The following TENM4 variants were observed in gnomAD, a reference collection of about 807,000 sequenced individuals.
TENM4 encodes teneurin transmembrane protein 4, also known as teneurin-4.
Under a neutral mutation model 243.3 loss-of-function variants are expected in TENM4, and 82 were observed. That is an observed-to-expected ratio of 0.34 (90% CI 0.28 to 0.40). The LOEUF (loss-of-function observed/expected upper bound fraction) is 0.40, where lower values mean the gene tolerates loss of function less well. Among genes scored for constraint, TENM4 ranks in the 10% least tolerant of loss-of-function variants. TENM4 has a pLI of 1.00. For synonymous variants in TENM4, 1,412 were observed against 1,456.3 expected, an observed-to-expected ratio of 0.97 and a Z score of 0.69; for missense variants, 3,138 against 3,673.3, an observed-to-expected ratio of 0.85 and a Z score of 3.77.
chr11:78,986,713 A>G (rs1232008085), intron 6 of TENM4, among the ~76,000 whole-genome samples: 2 of 152,168 alleles, frequency 1.3e-5, no homozygotes, highest in African/African-American at 4.8e-5. Flanking sequence ...AGCTGGGAAT[A>G]CAGGCATCTG....
At chr11:78,951,250 G>T (rs1857103596) in intron 6 of TENM4, among the ~76,000 whole-genome samples, 1 of 152,242 alleles carries the variant, frequency 6.6e-6, no homozygotes, top group Non-Finnish European at 1.5e-5. Context: ...GCTGCCCATG[G>T]TGGGCACAGA....
In TENM4 at chr11:78,928,327, A is replaced by C. The variant is rs924396125; in HGVS notation, c.494-24804T>G. On this transcript the variant is annotated intron_variant, in intron 6 of 33. Coordinates refer to ENST00000278550, the MANE Select transcript of TENM4 (RefSeq NM_001098816.3). The stretch of plus-strand genomic sequence containing the variant: ...AATATCATACGTTAAGAAGCAAAAA[A>C]TACACCGCCACCCCATGGTCTTAAC... Among the ~76,000 whole-genome samples, 5 of 152,216 alleles carry C rather than the reference A, an allele frequency of 3.3e-5. No individual in the cohort carries two copies. The South Asian group carries it at 1.0e-3, about 32-fold the overall frequency.
At chr11:78,868,880 G>T (rs976450211) in intron 9 of TENM4, among the ~76,000 whole-genome samples, 1 of 151,970 alleles carries the variant, frequency 6.6e-6, no homozygotes, top group African/African-American at 2.4e-5. Context: ...ACCCAACCAC[G>T]CAGCTACCCA....
Position 78,772,145 on chromosome 11 carries a change from C to T in TENM4, c.2393-1007G>A, listed in dbSNP as rs943363076. On this transcript the variant is annotated intron_variant, in intron 17 of 33. Transcript: ENST00000278550. ...TCAGGCAATATTTAGATGCTGTGTT[C>T]GTTCTGCTTGGACCATATTATAAAG... Among the ~76,000 whole-genome samples the T allele has an allele frequency of 5.3e-5, 8 of 152,220 alleles. No homozygotes were observed. The East Asian group carries it at 5.8e-4, about 11-fold the overall frequency.
chr11:79,127,724 TGGGCAAGAA>T (rs531555711), intron 4 of TENM4, among the ~76,000 whole-genome samples: 108 of 152,316 alleles, frequency 7.1e-4, no homozygotes, highest in Non-Finnish European at 1.1e-3. Context: ...TCGGATCCAG[TGGGCAAGAA>T]GTAGGAAACA....
chr11:78,744,934 G>A (rs1188310596), intron 19 of TENM4, among the ~76,000 whole-genome samples: 1 of 152,126 alleles, frequency 6.6e-6, no homozygotes, highest in East Asian at 1.9e-4. Context: ...ACCTCATAGC[G>A]AGGTTGAGGA....
chr11:79,140,537 C>A (rs1283437092), intron 4 of TENM4, among the ~76,000 whole-genome samples: 1 of 152,006 alleles, frequency 6.6e-6, no homozygotes, highest in Non-Finnish European at 1.5e-5. Flanking sequence ...TCAGACTGAG[C>A]CTTTAAAATC....
At chr11:79,141,844 C>T (rs541734399) in intron 4 of TENM4, among the ~76,000 whole-genome samples, 1 of 151,946 alleles carries the variant, frequency 6.6e-6, no homozygotes, top group Admixed American at 6.6e-5. Flanking sequence ...GTTCAACATA[C>T]AAAAATCAAT....
intron 3 of TENM4, among the ~76,000 whole-genome samples, chr11:79,174,678 T>G (rs1024799415): frequency 3.9e-5 from 6 of 152,196 alleles, no homozygotes; most frequent in Admixed American, 1.3e-4. Flanking sequence ...AGGGTTTCTA[T>G]TCTCCAGATG....
intron 6 of TENM4, among the ~76,000 whole-genome samples, chr11:78,952,385 C>T (rs1377194808): frequency 6.6e-6 from 1 of 152,204 alleles, no homozygotes; most frequent in South Asian, 2.1e-4. Flanking sequence ...GATCAGGACC[C>T]GAGCTGCCAG....
At chr11:78,853,499 G>A (rs1591072264) in intron 12 of TENM4, among the ~76,000 whole-genome samples, 1 of 152,146 alleles carries the variant, frequency 6.6e-6, no homozygotes, top group Non-Finnish European at 1.5e-5. Context: ...GCGAGGGAGA[G>A]TGAAGGTGTT....
chr11:78,685,253 C>T lies in TENM4; in HGVS notation c.5260+2801G>A, dbSNP rs545274155. On this transcript the variant is annotated intron_variant, in intron 29 of 33. Coordinates refer to ENST00000278550, the MANE Select transcript of TENM4 (RefSeq NM_001098816.3). Reference sequence around the variant, plus strand: ...TCTGTAGAGGCCCATCTCAGATGATCCCATTTAATGTGGGCTGTGACTTCC... The same window carrying T: ...TCTGTAGAGGCCCATCTCAGATGATTCCATTTAATGTGGGCTGTGACTTCC... Among the ~76,000 whole-genome samples the T allele has an allele frequency of 2.0e-5, 3 of 152,310 alleles. No individual in the cohort carries two copies. The East Asian group carries it at 5.8e-4, about 29-fold the overall frequency.
chr11:78,784,916 A>T (rs1417156178), intron 16 of TENM4, among the ~76,000 whole-genome samples: 1 of 152,182 alleles, frequency 6.6e-6, no homozygotes, highest in Non-Finnish European at 1.5e-5. Context: ...CTAAGATGAG[A>T]TGCGTTTATC....
intron 3 of TENM4, among the ~76,000 whole-genome samples, chr11:79,200,466 AT>A (rs149050456): frequency 0.011 from 1,701 of 152,260 alleles, 35 homozygotes; most frequent in African/African-American, 0.039. Flanking sequence ...GACCTCAGAG[AT>A]TTACTCCCAG....
At chr11:79,179,560 T>C (rs1863241753) in intron 3 of TENM4, among the ~76,000 whole-genome samples, 3 of 145,520 alleles carry the variant, frequency 2.1e-5, no homozygotes, top group South Asian at 4.3e-4. Context: ...TATTTGAACA[T>C]CTCTCTCTTT....
rs114026119 is a variant in TENM4 at position 79,160,255 on chromosome 11, G to T, written c.-162-11449C>A. On this transcript the variant is annotated intron_variant, in intron 3 of 33. Coordinates refer to ENST00000278550, the MANE Select transcript of TENM4 (RefSeq NM_001098816.3). The stretch of plus-strand genomic sequence containing the variant: ...CAGGCATATCTCCTGGTGTGCAGGG[G>T]ATATGCTTTCCACTCAGAAACTGAT... Among the ~76,000 whole-genome samples the T allele has an allele frequency of 3.9e-3, 596 of 152,242 alleles. 9 individuals carry two copies. Among genetic ancestry groups the T allele is most frequent in the African/African-American group, 0.014 (564 of 41,530 alleles).
intron 6 of TENM4, among the ~76,000 whole-genome samples, chr11:78,945,091 G>T (rs185025749): frequency 2.6e-5 from 4 of 152,106 alleles, no homozygotes; most frequent in Admixed American, 6.5e-5. Flanking sequence ...TCAAAACAAC[G>T]ATTCTCTATA....
chr11:79,186,989 A>G (rs1446279537), intron 3 of TENM4, among the ~76,000 whole-genome samples: 1 of 151,864 alleles, frequency 6.6e-6, no homozygotes, highest in African/African-American at 2.4e-5. Flanking sequence ...TTGTTAAGAA[A>G]CTCTCACTGG....
chr11:78,785,867 CT>C (rs1856924198), intron 16 of TENM4, among the ~76,000 whole-genome samples: 1 of 152,112 alleles, frequency 6.6e-6, no homozygotes, highest in Non-Finnish European at 1.5e-5. Context: ...TGGGGCTTGT[CT>C]TCCAGTTTCT....
Sources: gnomAD v4.1 joint callset for allele counts (sites outside exome capture counted in the v4.1 genomes callset) on GRCh38, gnomAD v4.1.1 for gene constraint, MANE v1.5 for transcripts, NCBI Gene and HGNC (gene_info 2026-07-23, HGNC 2026-07-21) for gene names.